Variants in CNTN5 observed in about 807,000 individuals in gnomAD.
The protein encoded by CNTN5 is contactin-5.
Under a neutral mutation model 129.1 loss-of-function variants are expected in CNTN5, and 77 were observed. The ratio of observed to expected loss-of-function variants is 0.60; its 90% CI spans 0.50 to 0.72. The LOEUF (loss-of-function observed/expected upper bound fraction) is 0.72, where lower values mean the gene tolerates loss of function less well. Ranked by LOEUF, CNTN5 falls within the 30% of genes least tolerant of loss-of-function variation. CNTN5 has a pLI of 0.00. For synonymous variants in CNTN5, 509 were observed against 465.6 expected, an observed-to-expected ratio of 1.09 and a Z score of -1.20; for missense variants, 1,478 against 1,328.8, an observed-to-expected ratio of 1.11 and a Z score of -1.75.
rs142930800 is a variant in CNTN5 at position 99,044,520 on chromosome 11, A to T, written c.-210+23250A>T. On this transcript the variant is annotated intron_variant, in intron 1 of 24. Coordinates refer to ENST00000524871, the MANE Select transcript of CNTN5 (RefSeq NM_014361.4). ...CTTCCACATCTTCTTTACCACTCCA[A>T]CCTACAAGTATACACAGCAGTCCAG... Among the ~76,000 whole-genome samples the T allele has an allele frequency of 6.5e-3, 993 of 152,080 alleles. 13 individuals are homozygous for T. The highest frequency in any genetic ancestry group is 0.023 in the African/African-American group (959 of 41,456).
At chr11:99,846,614 C>T (rs375698773) in intron 6 of CNTN5, among the ~76,000 whole-genome samples, 1 of 151,792 alleles carries the variant, frequency 6.6e-6, no homozygotes, top group Admixed American at 6.6e-5. Context: ...GTAGTGGCTA[C>T]ATAAGAGATC....
rs201796913 is a variant in CNTN5 at position 99,844,903 on chromosome 11, T to C, written c.329T>C (p.Phe110Ser). The C allele has an allele frequency of 3.3e-4, 531 of 1,613,840 alleles. 9 individuals are homozygous for C. In the South Asian group the frequency reaches 5.2e-3, roughly 16 times the overall value. The part of the protein sequence containing the change: ...VFVQEPDDII[F>S]PTDSDEKKVA... The stretch of plus-strand genomic sequence containing the variant: ...GTGCAAGAACCAGATGATATTATTT[T>C]TCCAACTGATTCTGATGAAAAGAAG... The change falls in exon 5 of 25, where the codon TTT becomes TCT. Residue 110 changes from phenylalanine to serine, a missense_variant. Physicochemically the swap from Phe to Ser is radical, Grantham distance 155. Coordinates refer to ENST00000524871, the MANE Select transcript of CNTN5 (RefSeq NM_014361.4).
At chr11:99,279,896 T>C in intron 1 of CNTN5, among the ~76,000 whole-genome samples, 1 of 151,446 alleles carries the variant, frequency 6.6e-6, no homozygotes, top group East Asian at 1.9e-4. Context: ...GAGGGTGGGT[T>C]TGGTGTTTTA....
At chr11:99,703,372 T>A (rs1359357561) in intron 3 of CNTN5, among the ~76,000 whole-genome samples, 1 of 150,624 alleles carries the variant, frequency 6.6e-6, no homozygotes, top group Non-Finnish European at 1.5e-5. Flanking sequence ...TGAAGTGATA[T>A]ATATCTTCCT....
intron 1 of CNTN5, among the ~76,000 whole-genome samples, chr11:99,119,900 A>G (rs894815863): frequency 1.3e-5 from 2 of 151,850 alleles, no homozygotes; most frequent in Non-Finnish European, 2.9e-5. Flanking sequence ...TTTCTTTCGT[A>G]TGTTTTGGTC....
chr11:99,787,104 T>TTTTA lies in CNTN5; in HGVS notation c.56-32425_56-32422dup, dbSNP rs1159005460. On this transcript the variant is annotated intron_variant, in intron 3 of 24. Coordinates refer to ENST00000524871, the MANE Select transcript of CNTN5 (RefSeq NM_014361.4). ...TGAAACTACATGTTTTTTTTTTGTTTTTTATTTATTTATTTATTATTATTA... is the reference window on the plus strand; with the variant it reads ...TGAAACTACATGTTTTTTTTTTGTTTTTTATTTATTTATTTATTTATTATTATTA... 2.8e-3 allele frequency among the ~76,000 whole-genome samples: 424 copies of TTTTA among 151,018 alleles called. 3 individuals carry two copies. The highest frequency in any genetic ancestry group is 9.5e-3 in the African/African-American group (392 of 41,418).
At chr11:99,950,006 CAT>C in intron 7 of CNTN5, among the ~76,000 whole-genome samples, 1 of 152,240 alleles carries the variant, frequency 6.6e-6, no homozygotes, top group Middle Eastern at 3.4e-3. Context: ...AGGTAACAAA[CAT>C]AATGAAAATA....
At chr11:99,128,860 C>A (rs1231255167) in intron 1 of CNTN5, among the ~76,000 whole-genome samples, 1 of 152,114 alleles carries the variant, frequency 6.6e-6, no homozygotes, top group African/African-American at 2.4e-5. Flanking sequence ...CTGCAGCAGA[C>A]CTGCAGAGGA....
At chr11:99,134,922 G>A (rs1476992567) in intron 1 of CNTN5, among the ~76,000 whole-genome samples, 2 of 152,152 alleles carry the variant, frequency 1.3e-5, no homozygotes, top group East Asian at 1.9e-4. Flanking sequence ...GGAAGTAAAT[G>A]CAGAAACTCT....
intron 3 of CNTN5, among the ~76,000 whole-genome samples, chr11:99,676,214 G>A (rs1452436183): frequency 6.6e-6 from 1 of 152,054 alleles, no homozygotes; most frequent in Non-Finnish European, 1.5e-5. Context: ...GTTTTACTCA[G>A]CCCTGCACCA....
At chr11:99,412,890 A>G (rs779522225) in intron 2 of CNTN5, among the ~76,000 whole-genome samples, 1 of 152,202 alleles carries the variant, frequency 6.6e-6, no homozygotes, top group African/African-American at 2.4e-5. Context: ...CCCTGCATCA[A>G]TCAGAGCAGG....
At chr11:100,001,204 A>G (rs892819543) in intron 8 of CNTN5, among the ~76,000 whole-genome samples, 1 of 152,164 alleles carries the variant, frequency 6.6e-6, no homozygotes, top group Admixed American at 6.5e-5. Flanking sequence ...TACAATTATG[A>G]TGGAAGGAGA....
intron 1 of CNTN5, among the ~76,000 whole-genome samples, chr11:99,278,829 A>G (rs997106836): frequency 3.3e-5 from 5 of 151,740 alleles, no homozygotes; most frequent in Admixed American, 6.6e-5. Context: ...ATTCAAATGT[A>G]TCTGAAAAGC....
At chr11:99,090,435 CATA>C (rs1346569336) in intron 1 of CNTN5, among the ~76,000 whole-genome samples, 3 of 152,050 alleles carry the variant, frequency 2.0e-5, no homozygotes, top group Admixed American at 6.6e-5. Context: ...CTGTAAGTGA[CATA>C]ATAACTTATT....
chr11:99,437,614 G>A (rs947719359), intron 2 of CNTN5, among the ~76,000 whole-genome samples: 5 of 152,032 alleles, frequency 3.3e-5, no homozygotes, highest in African/African-American at 1.2e-4. Context: ...GATCACCTGA[G>A]GTCAGGAGTT....
At chr11:100,201,786 C>G (rs1591387223) in intron 15 of CNTN5, among the ~76,000 whole-genome samples, 1 of 151,940 alleles carries the variant, frequency 6.6e-6, no homozygotes, top group East Asian at 1.9e-4. Context: ...CAAGACTGAA[C>G]CACTCCTTCC....
intron 6 of CNTN5, among the ~76,000 whole-genome samples, chr11:99,878,682 C>T (rs1948695092): frequency 6.6e-6 from 1 of 151,916 alleles, no homozygotes; most frequent in East Asian, 2.0e-4. Flanking sequence ...ATGGTGAAAC[C>T]CCGTCTCTAC....
At chr11:99,474,545 A>C (rs960957718) in intron 2 of CNTN5, among the ~76,000 whole-genome samples, 1 of 152,062 alleles carries the variant, frequency 6.6e-6, no homozygotes. Flanking sequence ...AAATTTGACA[A>C]TTTATTTTAT....
In CNTN5 at chr11:99,823,979, A is replaced by G. The variant is rs138248731; in HGVS notation, c.277+4214A>G. On this transcript the variant is annotated intron_variant, in intron 4 of 24. Transcript: ENST00000524871. ...AACATTATATCCTAGAGATTCATGT[A>G]TCTTGGTATCTTCAGTTCTAAGTTC... is the stretch of plus-strand genomic sequence containing the variant. 5.7e-3 allele frequency among the ~76,000 whole-genome samples: 868 copies of G among 152,194 alleles called. 10 individuals carry two copies. Among genetic ancestry groups the G allele is most frequent in the South Asian group, 0.032 (152 of 4,824 alleles).
Sources: gnomAD v4.1 joint callset for allele counts (sites outside exome capture counted in the v4.1 genomes callset) on GRCh38, gnomAD v4.1.1 for gene constraint, MANE v1.5 for transcripts, NCBI Gene and HGNC (gene_info 2026-07-23, HGNC 2026-07-21) for gene names.